The following NR2F1-AS1 variants were observed in gnomAD, a reference collection of about 807,000 sequenced individuals.
The protein encoded by NR2F1-AS1 is NR2F1 antisense RNA 1.
At chr5:93,441,833 CA>C (rs1175712650) in intron 4 of NR2F1-AS1, among the ~76,000 whole-genome samples, 3 of 152,154 alleles carry the variant, frequency 2.0e-5, no homozygotes, top group African/African-American at 7.2e-5. Flanking sequence ...AGAAGGCAGT[CA>C]TAATTTTGTA....
intron 4 of NR2F1-AS1, among the ~76,000 whole-genome samples, chr5:93,507,335 GTTTTGTT>G (rs945989998): frequency 3.2e-4 from 3 of 9,240 alleles, no homozygotes; most frequent in African/African-American, 5.1e-4. Flanking sequence ...GGTTTTTTTT[GTTTTGTT>G]TTGTTTTGTT....
intron 4 of NR2F1-AS1, among the ~76,000 whole-genome samples, chr5:93,548,050 C>T (rs1752130210): frequency 6.6e-6 from 1 of 152,120 alleles, no homozygotes; most frequent in African/African-American, 2.4e-5. Context: ...GACATCCTGA[C>T]CACTTTACAC....
intron 4 of NR2F1-AS1, among the ~76,000 whole-genome samples, chr5:93,420,353 C>A (rs114394123): frequency 0.026 from 3,983 of 152,246 alleles, 79 homozygotes; most frequent in Non-Finnish European, 0.042. Flanking sequence ...TTATTCACCC[C>A]AAATTTACCA....
At chr5:93,426,880 T>C (rs185577019) in intron 4 of NR2F1-AS1, among the ~76,000 whole-genome samples, 15 of 152,244 alleles carry the variant, frequency 9.9e-5, no homozygotes, top group Admixed American at 8.5e-4. Context: ...AACCAAGTAA[T>C]AAAAGTTCCC....
At chr5:93,461,235 C>T (rs1379560715) in intron 4 of NR2F1-AS1, among the ~76,000 whole-genome samples, 1 of 152,128 alleles carries the variant, frequency 6.6e-6, no homozygotes, top group African/African-American at 2.4e-5. Flanking sequence ...CAGAGGAACA[C>T]AAATCCAAAT....
intron 4 of NR2F1-AS1, among the ~76,000 whole-genome samples, chr5:93,479,287 T>G (rs1031268905): frequency 2.0e-5 from 3 of 152,120 alleles, no homozygotes; most frequent in African/African-American, 7.2e-5. Flanking sequence ...ACAGAGATGG[T>G]TCAACCATGA....
chr5:93,467,983 G>T (rs1456916511), intron 4 of NR2F1-AS1, among the ~76,000 whole-genome samples: 1 of 152,182 alleles, frequency 6.6e-6, no homozygotes, highest in African/African-American at 2.4e-5. Flanking sequence ...CAAAGGACAT[G>T]AACTCATTTT....
chr5:93,444,896 T>A (rs1349668610), intron 4 of NR2F1-AS1, among the ~76,000 whole-genome samples: 1 of 152,178 alleles, frequency 6.6e-6, no homozygotes, highest in Non-Finnish European at 1.5e-5. Flanking sequence ...ATTAAGAAAC[T>A]CACTCAAAAC....
intron 2 of NR2F1-AS1, among the ~76,000 whole-genome samples, chr5:93,560,063 T>C (rs1333291279): frequency 1.3e-5 from 2 of 152,226 alleles, no homozygotes; most frequent in Non-Finnish European, 2.9e-5. Flanking sequence ...TGTATATGAC[T>C]TGAGCAAATT....
At position 93,546,187 on chromosome 5, in the gene NR2F1-AS1, G is replaced by A. The variant is rs764935489; in HGVS notation, n.638+7574C>T. On this transcript the variant is annotated intron_variant and non_coding_transcript_variant, in intron 4 of 5. Coordinates refer to ENST00000660523, the Ensembl canonical transcript of NR2F1-AS1. ...ATCTAGCATATAAGAAGTCTTAACCGAAAGAATTATTATTACTACTGTACA... is the reference window on the plus strand; with the variant it reads ...ATCTAGCATATAAGAAGTCTTAACCAAAAGAATTATTATTACTACTGTACA... Among the ~76,000 whole-genome samples, 7 of 152,090 alleles carry A rather than the reference G, an allele frequency of 4.6e-5. No individual in the cohort carries two copies. The South Asian group carries it at 6.2e-4, about 14-fold the overall frequency.
At chr5:93,572,132 CT>C (rs2149928996) in intron 1 of NR2F1-AS1, among the ~76,000 whole-genome samples, 1 of 152,340 alleles carries the variant, frequency 6.6e-6, no homozygotes, top group African/African-American at 2.4e-5. Flanking sequence ...CAGACTTGGT[CT>C]AAATACAGCC....
chr5:93,564,926 A>T (rs1273435130), intron 1 of NR2F1-AS1, among the ~76,000 whole-genome samples: 1 of 152,232 alleles, frequency 6.6e-6, no homozygotes, highest in East Asian at 1.9e-4. Flanking sequence ...CAGGTTCTGC[A>T]GGACACACAG....
intron 4 of NR2F1-AS1, among the ~76,000 whole-genome samples, chr5:93,442,985 T>G (rs1749608660): frequency 6.6e-6 from 1 of 152,228 alleles, no homozygotes; most frequent in African/African-American, 2.4e-5. Flanking sequence ...GGGTCCTCAC[T>G]GTTAGAAGGA....
At chr5:93,457,161 G>A (rs142616385) in intron 4 of NR2F1-AS1, among the ~76,000 whole-genome samples, 1,998 of 152,178 alleles carry the variant, frequency 0.013, 24 homozygotes, top group South Asian at 0.036. Flanking sequence ...GACCCTTTAC[G>A]GGTGTCGGGC....
intron 4 of NR2F1-AS1, among the ~76,000 whole-genome samples, chr5:93,500,301 G>A (rs1305990733): frequency 1.3e-5 from 2 of 152,170 alleles, no homozygotes; most frequent in African/African-American, 2.4e-5. Flanking sequence ...TTAGGTTGGA[G>A]CCAATGCTCA....
rs183406074 is a variant in NR2F1-AS1 at position 93,479,251 on chromosome 5, G to A, written n.638+74510C>T. On this transcript the variant is annotated intron_variant and non_coding_transcript_variant, in intron 4 of 5. Transcript: ENST00000660523. ...AAATTGGGTTTCTGTATTTTGATCC[G>A]TTTGGAAGTTCACTGAGGGGCCAGT... Among the ~76,000 whole-genome samples, 7 of 152,238 alleles carry A rather than the reference G, an allele frequency of 4.6e-5. No individual in the cohort carries two copies. The East Asian group carries it at 9.6e-4, about 21-fold the overall frequency.
intron 4 of NR2F1-AS1, among the ~76,000 whole-genome samples, chr5:93,411,698 A>C (rs1250427278): frequency 6.6e-6 from 1 of 152,112 alleles, no homozygotes; most frequent in Non-Finnish European, 1.5e-5. Flanking sequence ...TTTGAAATCC[A>C]TCTCACCCCC....
At chr5:93,532,013 T>C (rs1216556046) in intron 4 of NR2F1-AS1, among the ~76,000 whole-genome samples, 1 of 152,194 alleles carries the variant, frequency 6.6e-6, no homozygotes, top group African/African-American at 2.4e-5. Flanking sequence ...AAGTGTGTGT[T>C]TTCTTCAACA....
intron 4 of NR2F1-AS1, among the ~76,000 whole-genome samples, chr5:93,445,108 A>C (rs1298817959): frequency 6.6e-6 from 1 of 152,348 alleles, no homozygotes; most frequent in East Asian, 1.9e-4. Flanking sequence ...GGAAAGATCT[A>C]AAATTGACAC....
Sources: allele counts gnomAD v4.1 joint callset (sites outside exome capture counted in the v4.1 genomes callset), GRCh38; gene constraint gnomAD v4.1.1; transcripts MANE v1.5; gene names NCBI Gene and HGNC (gene_info 2026-07-23, HGNC 2026-07-21).